The following SLC6A11 variants were observed in gnomAD, a reference collection of about 807,000 sequenced individuals.
SLC6A11 encodes the protein solute carrier family 6 member 11, also known as sodium- and chloride-dependent GABA transporter 3.
Under a neutral mutation model 74.8 loss-of-function variants are expected in SLC6A11, and 25 were observed. The ratio of observed to expected loss-of-function variants is 0.33; its 90% CI spans 0.24 to 0.47. The LOEUF is 0.47. SLC6A11 is among the 20% of genes least tolerant of loss of function. SLC6A11 has a pLI of 1.00. For missense variants in SLC6A11, 574 were observed against 837.0 expected (o/e 0.69, Z 3.88); for synonymous variants, 330 against 330.2 (o/e 1.00, Z 0.01).
intron 4 of SLC6A11, among the ~76,000 whole-genome samples, chr3:10,842,624 T>G (rs1694452123): frequency 6.6e-6 from 1 of 152,202 alleles, no homozygotes; most frequent in South Asian, 2.1e-4. Context: ...CTTGGACCTT[T>G]TTTTGGTCCA....
At chr3:10,928,671 C>T (rs1400423571) in intron 9 of SLC6A11, among the ~76,000 whole-genome samples, 2 of 152,118 alleles carry the variant, frequency 1.3e-5, no homozygotes, top group Non-Finnish European at 2.9e-5. Context: ...CCTCTGATTG[C>T]CCTCCACCAG....
At chr3:10,930,188 C>A (rs1335477460) in intron 10 of SLC6A11, among the ~76,000 whole-genome samples, 1 of 152,208 alleles carries the variant, frequency 6.6e-6, no homozygotes, top group Non-Finnish European at 1.5e-5. Context: ...CACTTTCCAA[C>A]TCATATGCTG....
chr3:10,935,171 T>C lies in SLC6A11; in HGVS notation c.1718T>C (p.Val573Ala), dbSNP rs766200550. 1 of 1,614,178 alleles carries C rather than the reference T, an allele frequency of 6.2e-7. No homozygotes were observed. The highest frequency in any genetic ancestry group is 8.5e-7 in the Non-Finnish European group (1 of 1,180,006). ...ATCCCGCTCTGGATCTGCATCACAGTGTGGAAGACGGAGGGGACACTGCCC... is the reference window on the plus strand; with the variant it reads ...ATCCCGCTCTGGATCTGCATCACAGCGTGGAAGACGGAGGGGACACTGCCC... ...LCIPLWICITVWKTEGTLPEK... is the reference protein window; with the variant it reads ...LCIPLWICITAWKTEGTLPEK... Residue 573 changes from valine to alanine, a missense_variant, in exon 13 of 14, where the codon GTG (valine) becomes GCG (alanine). This residue lies in a region of SLC6A11 where 257 missense variants were observed against 341.5 expected (regional missense o/e 0.75). Transcript: ENST00000254488.
At chr3:10,931,446 A>G (rs1421960549) in intron 10 of SLC6A11, among the ~76,000 whole-genome samples, 1 of 152,214 alleles carries the variant, frequency 6.6e-6, no homozygotes, top group Non-Finnish European at 1.5e-5. Flanking sequence ...CGTACTCCAC[A>G]GAGAGGTGCC....
intron 4 of SLC6A11, among the ~76,000 whole-genome samples, chr3:10,839,303 C>T (rs551694332): frequency 1.1e-4 from 16 of 152,200 alleles, no homozygotes; most frequent in African/African-American, 1.7e-4. Flanking sequence ...GAAGGAGCCA[C>T]GTGACTCATG....
In SLC6A11 at chr3:10,884,016, AC is replaced by A. The variant is rs376348374; in HGVS notation, c.891+8922del. 1.4e-4 allele frequency among the ~76,000 whole-genome samples: 21 copies of A among 152,296 alleles called. No homozygotes were observed. In the East Asian group the frequency reaches 3.7e-3, roughly 27 times the overall value. ...AGGAAATGACAGTCTCTTGACACAG[AC>A]ACATGATTAAGCCAATGACAACAGT... On this transcript the variant is annotated intron_variant, in intron 6 of 13. Transcript: ENST00000254488.
chr3:10,932,143 C>A (rs756971106), intron 10 of SLC6A11, among the ~76,000 whole-genome samples: 1 of 152,170 alleles, frequency 6.6e-6, no homozygotes, highest in Non-Finnish European at 1.5e-5. Context: ...CCTATATCTG[C>A]AGCTGGTGTC....
intron 5 of SLC6A11, among the ~76,000 whole-genome samples, chr3:10,870,072 C>T (rs1198688036): frequency 1.3e-5 from 2 of 152,168 alleles, no homozygotes; most frequent in Non-Finnish European, 1.5e-5. Context: ...ATCTTCCCTG[C>T]CTGATCCAAC....
intron 4 of SLC6A11, chr3:10,824,662 T>A (rs779012234): frequency 6.6e-6 from 1 of 152,196 alleles, no homozygotes; most frequent in Non-Finnish European, 1.5e-5. Flanking sequence ...ACATGTAGCT[T>A]TGGTTCTTTC....
At position 10,923,338 on chromosome 3, in the gene SLC6A11, T is replaced by C. The variant is rs565896359; in HGVS notation, c.1121-2666T>C. Reference sequence around the variant, plus strand: ...AGGTGAAGCTAGAACATTTTTGTGATGCCAAAAAATAAGGAAGTGCTCAGA... The same window carrying C: ...AGGTGAAGCTAGAACATTTTTGTGACGCCAAAAAATAAGGAAGTGCTCAGA... On this transcript the variant is annotated intron_variant, in intron 8 of 13. Transcript: ENST00000254488. 1.3e-4 allele frequency among the ~76,000 whole-genome samples: 19 copies of C among 151,426 alleles called. No homozygotes were observed. In the South Asian group the frequency reaches 4.0e-3, roughly 32 times the overall value.
rs1695492149 is a variant in SLC6A11, at chr3:10,918,636, C to T, written c.1120+183C>T. ...TTACCTAGGAGGAAAGTCTCGACAC[C>T]TCCTCCCTCCCAAATCCAAGGCATC... is the stretch of plus-strand genomic sequence containing the variant. On this transcript the variant is annotated intron_variant, in intron 8 of 13. Coordinates refer to ENST00000254488, the MANE Select transcript of SLC6A11 (RefSeq NM_014229.3). The surrounding 1 kb of genome is among the most constrained non-coding windows in gnomAD (Gnocchi z 4.5). Among the ~76,000 whole-genome samples, 1 of 152,018 alleles carries T rather than the reference C, an allele frequency of 6.6e-6. No homozygotes were observed. Among genetic ancestry groups the T allele is most frequent in the African/African-American group, 2.4e-5 (1 of 41,392 alleles).
At chr3:10,903,471 A>C (rs191187183) in intron 6 of SLC6A11, among the ~76,000 whole-genome samples, 3 of 152,182 alleles carry the variant, frequency 2.0e-5, no homozygotes, top group Non-Finnish European at 2.9e-5. Context: ...ATGAGAGCTT[A>C]TCTGCCTTTG....
chr3:10,931,672 C>T (rs558252020), intron 10 of SLC6A11, among the ~76,000 whole-genome samples: 6 of 152,352 alleles, frequency 3.9e-5, no homozygotes, highest in African/African-American at 1.4e-4. Flanking sequence ...TCTGGCCTCA[C>T]AGCTGCATTC....
chr3:10,931,207 G>A (rs552058539), intron 10 of SLC6A11, among the ~76,000 whole-genome samples: 3 of 152,146 alleles, frequency 2.0e-5, no homozygotes, highest in South Asian at 2.1e-4. Flanking sequence ...TCGCTGCTCC[G>A]TGCCTCAGTT....
rs376050734 is a variant in SLC6A11, at chr3:10,847,216, T to C, written c.756+2870T>C. ...AGAAGATTGGGATTAACTTCCAGCA[T>C]TGGGGACCATACAGTCTATGTCCTG... On this transcript the variant is annotated intron_variant, in intron 5 of 13. Transcript: ENST00000254488. Among the ~76,000 whole-genome samples the C allele has an allele frequency of 5.3e-5, 8 of 152,284 alleles. No individual in the cohort carries two copies. The South Asian group carries it at 8.3e-4, about 16-fold the overall frequency.
intron 1 of SLC6A11, among the ~76,000 whole-genome samples, chr3:10,818,905 C>T (rs1694099566): frequency 6.6e-6 from 1 of 152,218 alleles, no homozygotes; most frequent in African/African-American, 2.4e-5. Flanking sequence ...AAACTCCTTG[C>T]AAGTTGACAC....
intron 6 of SLC6A11, among the ~76,000 whole-genome samples, chr3:10,883,128 T>C (rs1380630808): frequency 2.0e-5 from 3 of 152,194 alleles, no homozygotes; most frequent in African/African-American, 7.2e-5. Context: ...ATTAAGTTTC[T>C]CGTCAAGAAC....
In SLC6A11 at chr3:10,844,363, C is replaced by G. The variant is rs1694477030; in HGVS notation, c.756+17C>G. 1 of 1,613,946 alleles carries G rather than the reference C, an allele frequency of 6.2e-7. No individual in the cohort carries two copies. Among genetic ancestry groups the G allele is most frequent in the South Asian group, 1.1e-5 (1 of 91,072 alleles). On this transcript the variant is annotated intron_variant, in intron 5 of 13. Transcript: ENST00000254488. Reference sequence around the variant, plus strand: ...ACAGGAAAGGTAAGAGGTCGATCTTCAAGCAGCTAACCGTGGCAGGGGAAG... The same window carrying G: ...ACAGGAAAGGTAAGAGGTCGATCTTGAAGCAGCTAACCGTGGCAGGGGAAG...
chr3:10,821,050 C>T (rs1694132422), intron 3 of SLC6A11, among the ~76,000 whole-genome samples: 1 of 152,186 alleles, frequency 6.6e-6, no homozygotes. Context: ...ACTCTGCCAA[C>T]CCCTGGCTGT....
Sources: allele counts gnomAD v4.1 joint callset (sites outside exome capture counted in the v4.1 genomes callset), GRCh38; gene constraint gnomAD v4.1.1; regional missense constraint gnomAD v4.1.1; non-coding constraint Gnocchi (gnomAD v3.1); transcripts MANE v1.5; gene names NCBI Gene and HGNC (gene_info 2026-07-23, HGNC 2026-07-21).